Variants in COMMD1 observed in about 807,000 individuals in gnomAD.
COMMD1 encodes the protein COMM domain-containing protein 1.
Under a neutral mutation model 17.2 loss-of-function variants are expected in COMMD1, and 10 were observed. The observed-to-expected ratio is 0.58, with a 90% CI of 0.36 to 0.99. The LOEUF (loss-of-function observed/expected upper bound fraction) is 0.99, where lower values mean the gene tolerates loss of function less well. Ranked by LOEUF, COMMD1 falls within the 50% of genes least tolerant of loss-of-function variation. The pLI, the probability that COMMD1 is intolerant of heterozygous loss-of-function variation, is 0.01. For missense variants in COMMD1, 270 were observed against 231.8 expected (o/e 1.17, Z -1.07); for synonymous variants, 97 against 91.6 (o/e 1.06, Z -0.34).
chr2:61,982,198 C>T (rs530376787), intron 1 of COMMD1, among the ~76,000 whole-genome samples: 18 of 152,002 alleles, frequency 1.2e-4, no homozygotes, highest in South Asian at 2.1e-4. Context: ...CATTATAGAG[C>T]GCTTTCACTT....
chr2:61,979,830 G>T (rs143284091), intron 1 of COMMD1, among the ~76,000 whole-genome samples: 6,651 of 140,926 alleles, frequency 0.047, 583 homozygotes, highest in African/African-American at 0.17. Context: ...CATGTGCCAT[G>T]CTGGTGCGCT....
At chr2:62,080,644 G>C (rs10496096) in intron 2 of COMMD1, among the ~76,000 whole-genome samples, 58,545 of 151,976 alleles carry the variant, frequency 0.39, 12,699 homozygotes, top group African/African-American at 0.6. Flanking sequence ...GACTGCTACT[G>C]ATAAAACTAC....
At position 61,888,755 on chromosome 2, in the gene COMMD1, T is replaced by C. The variant is rs898774155; in HGVS notation, n.32T>C. The C allele has an allele frequency of 1.2e-4, 61 of 523,190 alleles. No individual in the cohort carries two copies. In the African/African-American group the frequency reaches 1.2e-3, roughly 10 times the overall value. The allele number at this position is 523,190 out of a possible 1,614,324, so 32.4% of individuals were successfully genotyped here. ...TGCGGTGGGCTCCGGGCTGGCGAGA[T>C]TGTACGCCCGGGGCGCTGTGGGTGA... On this transcript the variant is annotated non_coding_transcript_exon_variant, in exon 1 of 3. Transcript: ENST00000472729.
At chr2:62,011,235 A>T (rs1165746725) in intron 2 of COMMD1, among the ~76,000 whole-genome samples, 1 of 152,140 alleles carries the variant, frequency 6.6e-6, no homozygotes, top group Non-Finnish European at 1.5e-5. Context: ...ATAATACAAT[A>T]AACTATTTAT....
chr2:62,085,370 G>A (rs1219955653), intron 2 of COMMD1, among the ~76,000 whole-genome samples: 2 of 151,432 alleles, frequency 1.3e-5, no homozygotes, highest in Non-Finnish European at 2.9e-5. Context: ...GGCGCCCACC[G>A]CCACACCCGG....
intron 2 of COMMD1, among the ~76,000 whole-genome samples, chr2:62,062,235 T>G (rs1339814281): frequency 7.8e-6 from 1 of 128,940 alleles, no homozygotes; most frequent in African/African-American, 4.0e-5. Context: ...TGTTTTTTTG[T>G]TTTTTTTTGA....
Position 62,009,029 on chromosome 2 carries a change from C to T in COMMD1, c.462+8047C>T, listed in dbSNP as rs181166109. Among the ~76,000 whole-genome samples the T allele has an allele frequency of 5.3e-5, 8 of 152,176 alleles. No homozygotes were observed. The East Asian group carries it at 1.5e-3, about 29-fold the overall frequency. ...GAACTCCTGACCTCAAGTGATACGCCCACCTCGGCCTCCCAAAGTGTTGGG... is the reference window on the plus strand; with the variant it reads ...GAACTCCTGACCTCAAGTGATACGCTCACCTCGGCCTCCCAAAGTGTTGGG... On this transcript the variant is annotated intron_variant, in intron 2 of 2. Coordinates refer to ENST00000311832, the MANE Select transcript of COMMD1 (RefSeq NM_152516.4).
intron 2 of COMMD1, among the ~76,000 whole-genome samples, chr2:62,006,297 GTAAC>G (rs1162042581): frequency 6.6e-6 from 1 of 151,250 alleles, no homozygotes; most frequent in African/African-American, 2.4e-5. Context: ...GTATATATAT[GTAAC>G]TAACCTACAC....
At chr2:62,030,239 G>GGTATTGT (rs1312755623) in intron 2 of COMMD1, among the ~76,000 whole-genome samples, 2 of 152,064 alleles carry the variant, frequency 1.3e-5, no homozygotes, top group Non-Finnish European at 2.9e-5. Flanking sequence ...TTTTACACAG[G>GGTATTGT]GTATTGTTAG....
At chr2:62,122,572 T>C (rs1266734006) in intron 2 of COMMD1, among the ~76,000 whole-genome samples, 2 of 152,000 alleles carry the variant, frequency 1.3e-5, no homozygotes, top group African/African-American at 4.8e-5. Flanking sequence ...AAAAAAAGAA[T>C]AGTGATTACT....
chr2:61,948,134 G>A (rs779573652), intron 1 of COMMD1, among the ~76,000 whole-genome samples: 56 of 152,144 alleles, frequency 3.7e-4, no homozygotes, highest in Non-Finnish European at 2.5e-4. Flanking sequence ...TATTATTTTT[G>A]TTGTGTTTTT....
chr2:62,120,181 G>A (rs1672705602), intron 2 of COMMD1, among the ~76,000 whole-genome samples: 2 of 151,956 alleles, frequency 1.3e-5, no homozygotes, highest in African/African-American at 2.4e-5. Context: ...TGTATTTTTA[G>A]TAGAGAATGG....
At chr2:62,081,786 G>A (rs1671530582) in intron 2 of COMMD1, among the ~76,000 whole-genome samples, 1 of 151,778 alleles carries the variant, frequency 6.6e-6, no homozygotes, top group African/African-American at 2.4e-5. Context: ...GTAGTTGATT[G>A]CTTTTTTTAC....
chr2:61,997,735 T>A (rs1392529475), intron 1 of COMMD1, among the ~76,000 whole-genome samples: 1 of 152,158 alleles, frequency 6.6e-6, no homozygotes, highest in South Asian at 2.1e-4. Flanking sequence ...GAATGGTAAA[T>A]GAGCATTGGC....
chr2:61,936,955 C>T (rs919257865), intron 1 of COMMD1, among the ~76,000 whole-genome samples: 9 of 152,172 alleles, frequency 5.9e-5, no homozygotes, highest in African/African-American at 9.6e-5. Flanking sequence ...TCAGTCAATA[C>T]GTGTGAGATT....
intron 2 of COMMD1, among the ~76,000 whole-genome samples, chr2:62,015,415 A>G (rs1014131620): frequency 4.6e-5 from 7 of 152,080 alleles, no homozygotes; most frequent in Admixed American, 1.3e-4. Flanking sequence ...TTGTTTATCC[A>G]TTTATCTGTT....
rs1018912681 is a variant in COMMD1, at chr2:61,970,946, T to G, written c.181-29755T>G. On this transcript the variant is annotated intron_variant, in intron 1 of 2. Coordinates refer to ENST00000311832, the MANE Select transcript of COMMD1 (RefSeq NM_152516.4). ...TGTCTGTTTCTGACAGGGTCCCTGT[T>G]GCCCAGGCTTCAGTACAGTGGTGCG... Among the ~76,000 whole-genome samples the G allele has an allele frequency of 2.0e-5, 3 of 152,300 alleles. No individual in the cohort carries two copies. The East Asian group carries it at 5.8e-4, about 29-fold the overall frequency.
chr2:61,900,378 G>GA (rs562474260), intron 1 of COMMD1, among the ~76,000 whole-genome samples: 12 of 152,356 alleles, frequency 7.9e-5, no homozygotes, highest in African/African-American at 2.6e-4. Context: ...GGAGTCAGAA[G>GA]AAAGAAATGT....
At chr2:62,021,002 T>C (rs1399356891) in intron 2 of COMMD1, among the ~76,000 whole-genome samples, 2 of 139,820 alleles carry the variant, frequency 1.4e-5, no homozygotes, top group Non-Finnish European at 1.5e-5. Context: ...AAAGTCCGTC[T>C]CAAAAAAAAA....
Sources: gnomAD v4.1 joint callset for allele counts (sites outside exome capture counted in the v4.1 genomes callset) on GRCh38, gnomAD v4.1.1 for gene constraint, MANE v1.5 for transcripts, NCBI Gene and HGNC (gene_info 2026-07-23, HGNC 2026-07-21) for gene names.